The following FHOD3 variants were observed in gnomAD, a reference collection of about 807,000 sequenced individuals.
FHOD3 encodes the protein FH1/FH2 domain-containing protein 3.
FHOD3 carries 90 observed loss-of-function variants against 173.0 expected under a neutral mutation model. The ratio of observed to expected loss-of-function variants is 0.52; its 90% CI spans 0.44 to 0.62. The LOEUF (loss-of-function observed/expected upper bound fraction) is 0.62. Ranked by LOEUF, FHOD3 falls within the 20% of genes least tolerant of loss-of-function variation. The probability of loss-of-function intolerance (pLI) is 0.00; values close to 1 mark genes in which losing one functional copy is unlikely to be tolerated. For synonymous variants in FHOD3, 828 were observed against 823.0 expected, an observed-to-expected ratio of 1.01 and a Z score of -0.10; for missense variants, 1,945 against 2,034.7, an observed-to-expected ratio of 0.96 and a Z score of 0.85.
At chr18:36,632,706 C>T (rs17747602) in intron 10 of FHOD3, among the ~76,000 whole-genome samples, 26,915 of 152,060 alleles carry the variant, frequency 0.18, 2,506 homozygotes, top group East Asian at 0.33. Context: ...CTATGCTCTT[C>T]TTCCTTCCAT....
intron 1 of FHOD3, among the ~76,000 whole-genome samples, chr18:36,302,260 G>A (rs1021864191): frequency 2.0e-5 from 3 of 152,104 alleles, no homozygotes; most frequent in African/African-American, 7.2e-5. Context: ...TGTCTTTGTG[G>A]TTGCCTCGCT....
intron 5 of FHOD3, among the ~76,000 whole-genome samples, chr18:36,534,405 T>C (rs2056908450): frequency 6.6e-6 from 1 of 152,254 alleles, no homozygotes; most frequent in South Asian, 2.1e-4. Context: ...TTCCTGCAGC[T>C]GGTCCTGAGA....
rs143138497 is a variant in FHOD3 at position 36,478,142 on chromosome 18, G to C, written c.338-23790G>C. Among the ~76,000 whole-genome samples the C allele has an allele frequency of 7.5e-3, 1,138 of 152,234 alleles. 14 individuals carry two copies. Among genetic ancestry groups the C allele is most frequent in the African/African-American group, 0.026 (1,079 of 41,530 alleles). On this transcript the variant is annotated intron_variant, in intron 3 of 28. Transcript: ENST00000590592. Reference sequence around the variant, plus strand: ...GGGTTCTGAAAGGTGAGCAGTAATTGGTTGTTGTAATGCTTGGGTGTTAAT... The same window carrying C: ...GGGTTCTGAAAGGTGAGCAGTAATTCGTTGTTGTAATGCTTGGGTGTTAAT...
chr18:36,486,728 C>G (rs1288634403), intron 3 of FHOD3, among the ~76,000 whole-genome samples: 1 of 152,168 alleles, frequency 6.6e-6, no homozygotes, highest in Non-Finnish European at 1.5e-5. Context: ...CATTTTAAAT[C>G]CAGTTCACCT....
intron 10 of FHOD3, among the ~76,000 whole-genome samples, chr18:36,648,370 C>T (rs1160805222): frequency 6.6e-6 from 1 of 152,140 alleles, no homozygotes; most frequent in Non-Finnish European, 1.5e-5. Context: ...CCATGTGGAC[C>T]ATGACCACAT....
chr18:36,603,030 A>T (rs2031599220), intron 8 of FHOD3, among the ~76,000 whole-genome samples: 2 of 149,846 alleles, frequency 1.3e-5, no homozygotes, highest in African/African-American at 5.1e-5. Context: ...CAAGCCAGGG[A>T]ACGCCACAGA....
chr18:36,493,170 T>C (rs1342481796), intron 3 of FHOD3, among the ~76,000 whole-genome samples: 3 of 152,054 alleles, frequency 2.0e-5, no homozygotes, highest in African/African-American at 7.2e-5. Context: ...ATCCCTGAAA[T>C]TGTATTAACA....
At chr18:36,331,768 G>T (rs1199816868) in intron 1 of FHOD3, among the ~76,000 whole-genome samples, 1 of 152,138 alleles carries the variant, frequency 6.6e-6, no homozygotes. Flanking sequence ...GGGTGGGGGA[G>T]CTGCAGCTGG....
At chr18:36,556,216 A>G (rs973189796) in intron 5 of FHOD3, among the ~76,000 whole-genome samples, 3 of 152,108 alleles carry the variant, frequency 2.0e-5, no homozygotes, top group African/African-American at 7.2e-5. Context: ...TAGGGTTTAT[A>G]GTACAGTTGA....
At chr18:36,311,807 G>A (rs2092263680) in intron 1 of FHOD3, among the ~76,000 whole-genome samples, 1 of 152,196 alleles carries the variant, frequency 6.6e-6, no homozygotes, top group Admixed American at 6.5e-5. Context: ...GCCCTGCTGT[G>A]CCCTCTTTGC....
At chr18:36,728,538 C>T (rs2041190161) in intron 19 of FHOD3, among the ~76,000 whole-genome samples, 2 of 151,882 alleles carry the variant, frequency 1.3e-5, no homozygotes, top group African/African-American at 4.8e-5. Context: ...GGAATTGCCC[C>T]TCCTGATCAC....
At chr18:36,713,577 T>G (rs1370462633) in intron 18 of FHOD3, among the ~76,000 whole-genome samples, 3 of 152,172 alleles carry the variant, frequency 2.0e-5, no homozygotes, top group Non-Finnish European at 4.4e-5. Context: ...AAAAATAAGA[T>G]GTAGCGTTCT....
At chr18:36,613,546 C>T (rs538053549) in intron 9 of FHOD3, among the ~76,000 whole-genome samples, 22 of 152,238 alleles carry the variant, frequency 1.4e-4, no homozygotes, top group Middle Eastern at 3.4e-3. Context: ...AAGTGAATTC[C>T]TCTAGGCCCA....
Position 36,509,544 on chromosome 18 carries a change from A to G in FHOD3, c.406-2894A>G, listed in dbSNP as rs142289049. 1.8e-4 allele frequency among the ~76,000 whole-genome samples: 28 copies of G among 152,216 alleles called. No individual in the cohort carries two copies. In the East Asian group the frequency reaches 5.2e-3, roughly 28 times the overall value. On this transcript the variant is annotated intron_variant, in intron 4 of 28. Coordinates refer to ENST00000590592, the MANE Select transcript of FHOD3 (RefSeq NM_001281740.3). ...TAATTTTTTGTGAGTGCATATTTTT[A>G]AGAAGAGTTCCTGTAGTTTAGAGAT...
intron 14 of FHOD3, among the ~76,000 whole-genome samples, chr18:36,677,362 G>A (rs973111217): frequency 2.0e-5 from 3 of 152,076 alleles, no homozygotes; most frequent in Non-Finnish European, 4.4e-5. Flanking sequence ...ACGTTGGTCA[G>A]GCTGGTCTCA....
chr18:36,660,788 G>A lies in FHOD3; in HGVS notation c.1835+2600G>A, dbSNP rs903435056. 4.6e-5 allele frequency among the ~76,000 whole-genome samples: 7 copies of A among 152,170 alleles called. 1 individual carries two copies. In the East Asian group the frequency reaches 1.2e-3, roughly 25 times the overall value. On this transcript the variant is annotated intron_variant, in intron 14 of 28. Coordinates refer to ENST00000590592, the MANE Select transcript of FHOD3 (RefSeq NM_001281740.3). The stretch of plus-strand genomic sequence containing the variant: ...CAGTCCTTGGCTTGAAGAAGGCTCT[G>A]GAGTTAAATCCCTCAGAGAGCCTGG...
intron 5 of FHOD3, among the ~76,000 whole-genome samples, chr18:36,514,380 G>A (rs1460245252): frequency 1.3e-5 from 2 of 152,138 alleles, no homozygotes; most frequent in East Asian, 3.9e-4. Context: ...AGCCGTCTGT[G>A]TGTCTAAAGA....
At chr18:36,599,279 A>G (rs547272858) in intron 7 of FHOD3, among the ~76,000 whole-genome samples, 2 of 152,350 alleles carry the variant, frequency 1.3e-5, no homozygotes, top group Admixed American at 6.5e-5. Flanking sequence ...CTCAGGTCCC[A>G]CTAATCTGGC....
intron 20 of FHOD3, among the ~76,000 whole-genome samples, chr18:36,731,977 A>T (rs2041385453): frequency 2.6e-5 from 4 of 152,230 alleles, no homozygotes; most frequent in African/African-American, 9.6e-5. Flanking sequence ...TGTACATGTA[A>T]TCAAGTTAAG....
Sources: allele counts gnomAD v4.1 joint callset (sites outside exome capture counted in the v4.1 genomes callset), GRCh38; gene constraint gnomAD v4.1.1; transcripts MANE v1.5; gene names NCBI Gene and HGNC (gene_info 2026-07-23, HGNC 2026-07-21).